CEACAM21: variants seen among roughly 807,000 people sequenced by gnomAD.
CEACAM21 encodes cell adhesion molecule CEACAM21.
CEACAM21 carries 38 observed loss-of-function variants against 33.2 expected under a neutral mutation model. The ratio of observed to expected loss-of-function variants is 1.14; its 90% CI spans 0.88 to 1.50. The LOEUF is 1.50. Ranked by LOEUF, CEACAM21 falls within the 40% of genes most tolerant of loss-of-function variation. The pLI, the probability that CEACAM21 is intolerant of heterozygous loss-of-function variation, is 0.00. For synonymous variants in CEACAM21, 156 were observed against 143.0 expected (o/e 1.09, Z -0.65); for missense variants, 385 against 364.6 (o/e 1.06, Z -0.46).
At chr19:41,552,517 A>G (rs1462153434) in intron 1 of CEACAM21, among the ~76,000 whole-genome samples, 2 of 152,232 alleles carry the variant, frequency 1.3e-5, no homozygotes, top group East Asian at 3.8e-4. Context: ...TACTGAACTT[A>G]ACCACTCAGT....
chr19:41,566,770 A>G (rs782454463), intron 2 of CEACAM21, among the ~76,000 whole-genome samples: 6 of 152,188 alleles, frequency 3.9e-5, no homozygotes, highest in Non-Finnish European at 8.8e-5. Context: ...AAATATCAGG[A>G]CCTGAAATTT....
intron 4 of CEACAM21, among the ~76,000 whole-genome samples, chr19:41,585,008 C>T (rs2070618855): frequency 6.6e-6 from 1 of 152,218 alleles, no homozygotes; most frequent in African/African-American, 2.4e-5. Flanking sequence ...TCAGCATCTC[C>T]AGCCCTGAGT....
At chr19:41,559,079 C>G (rs75215590) in intron 1 of CEACAM21, among the ~76,000 whole-genome samples, 3,890 of 152,266 alleles carry the variant, frequency 0.026, 75 homozygotes, top group Non-Finnish European at 0.038. Flanking sequence ...AACATATAGA[C>G]TATTTGAACA....
chr19:41,551,869 G>GGGAA (rs1200220608), intron 1 of CEACAM21: 1 of 152,180 alleles, frequency 6.6e-6, no homozygotes, highest in Non-Finnish European at 1.5e-5. Flanking sequence ...CATTTTGGCT[G>GGGAA]GGAAGGAGGA....
Position 41,577,441 on chromosome 19 carries a change from A to C in CEACAM21, c.306A>C (p.Ser102=). Residue 102 remains serine (S), a synonymous_variant, in exon 2 of 7, where the codon TCA becomes TCC. Coordinates refer to ENST00000401445, the MANE Select transcript of CEACAM21 (RefSeq NM_001098506.4). ...GPAYSGRETI[S]PSGDLHFQNV... is the part of the protein sequence containing the mutation. ...CATACAGCGGTCGAGAGACAATATCACCCAGTGGAGATCTGCATTTCCAGA... is the reference window on the plus strand; with the variant it reads ...CATACAGCGGTCGAGAGACAATATCCCCCAGTGGAGATCTGCATTTCCAGA... The C allele has an allele frequency of 6.2e-7, 1 of 1,614,140 alleles. No homozygotes were observed. Among genetic ancestry groups the C allele is most frequent in the East Asian group, 2.2e-5 (1 of 44,888 alleles).
At chr19:41,558,792 A>G (rs1555786127) in intron 1 of CEACAM21, among the ~76,000 whole-genome samples, 1 of 152,260 alleles carries the variant, frequency 6.6e-6, no homozygotes, top group East Asian at 1.9e-4. Flanking sequence ...TCTTATCCTC[A>G]GTAATAGATA....
chr19:41,557,588 G>A (rs1412275980), intron 1 of CEACAM21, among the ~76,000 whole-genome samples: 1 of 152,164 alleles, frequency 6.6e-6, no homozygotes, highest in African/African-American at 2.4e-5. Flanking sequence ...CAGGGACCCT[G>A]AAAACCATAC....
chr19:41,552,637 A>G (rs1473441336), intron 1 of CEACAM21, among the ~76,000 whole-genome samples: 1 of 152,156 alleles, frequency 6.6e-6, no homozygotes, highest in Non-Finnish European at 1.5e-5. Context: ...TTTATTTATC[A>G]CAAGAATCAT....
upstream of CEACAM21, among the ~76,000 whole-genome samples, chr19:41,574,403 GA>G (rs2042797912): frequency 6.6e-6 from 1 of 152,130 alleles, no homozygotes; most frequent in Non-Finnish European, 1.5e-5. Flanking sequence ...AAGAAAGTGA[GA>G]AGACACAGAA....
In CEACAM21 at chr19:41,577,231, C is replaced by G. The variant is rs1362045120; in HGVS notation, c.96C>G (p.Thr32=). 2.5e-6 allele frequency: 4 copies of G among 1,613,978 alleles called. No homozygotes were observed. The highest frequency in any genetic ancestry group is 3.4e-6 in the Non-Finnish European group (4 of 1,180,020). ...ASLLTFWNAP[T]TAWLFIASAP... ...TTTTAACTTTCTGGAACGCACCCAC[C>G]ACTGCCTGGCTCTTTATTGCATCAG... is the stretch of plus-strand genomic sequence containing the variant. The change falls in exon 2 of 7, where the codon ACC becomes ACG. Residue 32 remains threonine, a synonymous_variant. Transcript: ENST00000401445.
intron 3 of CEACAM21, among the ~76,000 whole-genome samples, chr19:41,583,466 C>G (rs1555794104): frequency 6.6e-6 from 1 of 152,150 alleles, no homozygotes; most frequent in East Asian, 1.9e-4. Flanking sequence ...ACTCCACTAG[C>G]TGGTACCAAT....
At chr19:41,571,124 A>G (rs570698585) in intron 2 of CEACAM21, among the ~76,000 whole-genome samples, 4 of 152,288 alleles carry the variant, frequency 2.6e-5, no homozygotes, top group African/African-American at 9.6e-5. Context: ...TCTGACAACC[A>G]ACAATGTTTC....
At chr19:41,550,805 C>T (rs894563529) in intron 1 of CEACAM21, 5 of 151,962 alleles carry the variant, frequency 3.3e-5, no homozygotes, top group Non-Finnish European at 7.4e-5. Context: ...ATAATAATAA[C>T]GATAAATCCT....
chr19:41,577,086 C>A, intron 1 of CEACAM21, 114 bp from the exon 2 acceptor site: 1 of 1,181,594 alleles, frequency 8.5e-7, no homozygotes, highest in Non-Finnish European at 1.2e-6. Context: ...GTAGGACACA[C>A]ACACACACAC....
intron 2 of CEACAM21, among the ~76,000 whole-genome samples, chr19:41,567,046 T>TTC (rs74276943): frequency 0.033 from 5,036 of 151,148 alleles, 217 homozygotes; most frequent in African/African-American, 0.1. Context: ...TCATATTGTT[T>TTC]TCTCTCTCTC....
At chr19:41,568,431 CTT>C (rs1323967230) in intron 2 of CEACAM21, among the ~76,000 whole-genome samples, 5 of 152,092 alleles carry the variant, frequency 3.3e-5, no homozygotes, top group African/African-American at 1.2e-4. Context: ...ACATTTAAGT[CTT>C]TATTTAATAC....
At chr19:41,582,846 A>G (rs1203878309) in intron 3 of CEACAM21, among the ~76,000 whole-genome samples, 1 of 152,210 alleles carries the variant, frequency 6.6e-6, no homozygotes, top group Non-Finnish European at 1.5e-5. Flanking sequence ...GGTCTCTGAC[A>G]TGCCCTGGAG....
In CEACAM21 at chr19:41,585,827, T is replaced by A. The variant is rs781805962; in HGVS notation, c.851-13T>A. The A allele has an allele frequency of 5.6e-6, 9 of 1,611,902 alleles. No individual in the cohort carries two copies. In the East Asian group the frequency reaches 1.8e-4, roughly 32 times the overall value. ...CCTAACACTCTCGTGCTCACTTTTG[T>A]CTCTGTCCCCAGGCCATGGACCCTC... On this transcript the variant is annotated splice_polypyrimidine_tract_variant and intron_variant, in intron 5 of 6. Coordinates refer to ENST00000401445, the MANE Select transcript of CEACAM21 (RefSeq NM_001098506.4).
intron 2 of CEACAM21, 56 bp downstream of exon 2, chr19:41,577,615 C>T (rs1159091512): frequency 6.9e-6 from 11 of 1,600,938 alleles, no homozygotes; most frequent in Non-Finnish European, 9.3e-6. Flanking sequence ...TTCACATACG[C>T]AGGATTGTCA....
Sources: gnomAD v4.1 joint callset for allele counts (sites outside exome capture counted in the v4.1 genomes callset) on GRCh38, gnomAD v4.1.1 for gene constraint, MANE v1.5 for transcripts, NCBI Gene and HGNC (gene_info 2026-07-23, HGNC 2026-07-21) for gene names.